Variants in RSPH14 observed in about 807,000 individuals in gnomAD.
RSPH14 encodes rhabdoid tumor deletion region gene 1.
RSPH14 carries 20 observed loss-of-function variants against 26.7 expected under a neutral mutation model. That is an observed-to-expected ratio of 0.75 (90% CI 0.53 to 1.09). The LOEUF (loss-of-function observed/expected upper bound fraction) is 1.09. RSPH14 is among the 50% of genes least tolerant of loss of function. The pLI is 0.00. For synonymous variants in RSPH14, 177 were observed against 189.3 expected (o/e 0.93, Z 0.53); for missense variants, 449 against 457.2 (o/e 0.98, Z 0.16).
intron 4 of RSPH14, among the ~76,000 whole-genome samples, chr22:23,130,591 T>C (rs2070342886): frequency 1.3e-5 from 2 of 150,700 alleles, no homozygotes; most frequent in Non-Finnish European, 3.0e-5. Context: ...AAAGGCACAG[T>C]GAGAAGCCAA....
At chr22:23,107,370 A>C (rs2069513832) in intron 4 of RSPH14, among the ~76,000 whole-genome samples, 2 of 152,182 alleles carry the variant, frequency 1.3e-5, no homozygotes, top group Non-Finnish European at 2.9e-5. Context: ...TGAGCTGCCT[A>C]CATGGGCAGC....
At chr22:23,106,102 C>T (rs762958555) in intron 4 of RSPH14, among the ~76,000 whole-genome samples, 3 of 152,226 alleles carry the variant, frequency 2.0e-5, no homozygotes, top group African/African-American at 4.8e-5. Flanking sequence ...CCTCCAGTCA[C>T]GTGACTCCCG....
chr22:23,145,285 T>A, upstream of RSPH14: 2 of 766,782 alleles, frequency 2.6e-6, no homozygotes, highest in Non-Finnish European at 4.0e-6. Context: ...CTTGTTGTCA[T>A]GGTGATCTCC....
intron 4 of RSPH14, among the ~76,000 whole-genome samples, chr22:23,085,545 G>A (rs1196232836): frequency 2.6e-5 from 4 of 152,220 alleles, no homozygotes; most frequent in Admixed American, 2.6e-4. Flanking sequence ...CTGCTGAGCA[G>A]ACAAATGGAA....
Position 23,071,487 on chromosome 22 carries a change from T to C in RSPH14, c.422-7354A>G, listed in dbSNP as rs2068374320. ...GACAGCTGAGCCCCTGACCGGCTCC[T>C]TTCTGCCCAAGTGATTTCCCTGCCC... is the stretch of plus-strand genomic sequence containing the variant. On this transcript the variant is annotated intron_variant, in intron 4 of 6. Coordinates refer to ENST00000216036, the MANE Select transcript of RSPH14 (RefSeq NM_014433.3). The surrounding 1 kb of genome is among the most constrained non-coding windows in gnomAD (Gnocchi z 4.1). Among the ~76,000 whole-genome samples the C allele has an allele frequency of 6.6e-6, 1 of 152,228 alleles. No homozygotes were observed. Among genetic ancestry groups the C allele is most frequent in the Non-Finnish European group, 1.5e-5 (1 of 68,024 alleles).
chr22:23,134,357 G>A (rs1195952724), intron 3 of RSPH14, among the ~76,000 whole-genome samples: 1 of 151,992 alleles, frequency 6.6e-6, no homozygotes, highest in Non-Finnish European at 1.5e-5. Flanking sequence ...GCCCACCTTG[G>A]CCCCTTGTTC....
the RSPH14 span, among the ~76,000 whole-genome samples, chr22:23,169,383 G>A: frequency 6.6e-6 from 1 of 152,230 alleles, no homozygotes; most frequent in South Asian, 2.1e-4. Context: ...CCCACTTGAA[G>A]GGAGCCCTCC....
chr22:23,178,592 C>G, the RSPH14 span, among the ~76,000 whole-genome samples: 2 of 152,176 alleles, frequency 1.3e-5, no homozygotes, highest in African/African-American at 4.8e-5. Context: ...TCCAAGGGAC[C>G]AGGATGGCAG....
chr22:23,151,468 G>A, the RSPH14 span, among the ~76,000 whole-genome samples: 1 of 152,226 alleles, frequency 6.6e-6, no homozygotes, highest in Non-Finnish European at 1.5e-5. Context: ...GTCACCAGGT[G>A]ACACAGTGGT....
chr22:23,131,902 G>C (rs1261371797), intron 4 of RSPH14, among the ~76,000 whole-genome samples: 2 of 152,154 alleles, frequency 1.3e-5, no homozygotes, highest in African/African-American at 2.4e-5. Flanking sequence ...GGCCTAGTGT[G>C]CTCAACTCCC....
At chr22:23,092,836 G>A (rs1196029362) in intron 4 of RSPH14, among the ~76,000 whole-genome samples, 1 of 152,218 alleles carries the variant, frequency 6.6e-6, no homozygotes, top group Non-Finnish European at 1.5e-5. Context: ...GCGCCTGGCT[G>A]TACCTCAGAT....
Position 23,061,843 on chromosome 22 carries a change from G to A in RSPH14, c.756C>T (p.Ala252=), listed in dbSNP as rs530022296. ...TCACTGTGGCGAACATCAGGGCACC[G>A]GCAGCGTTAGACTTCACATGCTCCA... is the stretch of plus-strand genomic sequence containing the variant. ...DPVEHVKSNA[A]GALMFATVIT... The change falls in exon 6 of 7, where the codon GCC becomes GCT. Residue 252 remains alanine (A), a synonymous_variant. Coordinates refer to ENST00000216036, the MANE Select transcript of RSPH14 (RefSeq NM_014433.3). 3.0e-5 allele frequency: 48 copies of A among 1,614,008 alleles called. 1 individual carries two copies. Among genetic ancestry groups the A allele is most frequent in the Middle Eastern group, 3.3e-4 (2 of 6,084 alleles).
chr22:23,095,494 C>T (rs1426837493), intron 4 of RSPH14: 6 of 598,626 alleles, frequency 1.0e-5, no homozygotes, highest in East Asian at 5.7e-5. Flanking sequence ...GGGCGGCCAC[C>T]GCCCGCTGCA....
the RSPH14 span, chr22:23,180,016 T>G: frequency 1.9e-5 from 7 of 361,718 alleles, no homozygotes; most frequent in Middle Eastern, 5.2e-4. Flanking sequence ...GACTGGGCAG[T>G]GCCGGTGACG....
At chr22:23,110,253 A>C (rs974580522) in intron 4 of RSPH14, among the ~76,000 whole-genome samples, 1 of 151,954 alleles carries the variant, frequency 6.6e-6, no homozygotes, top group African/African-American at 2.4e-5. Flanking sequence ...TCTAGAATGG[A>C]AATGTTTTGA....
At chr22:23,086,502 C>G (rs1044505088) in intron 4 of RSPH14, among the ~76,000 whole-genome samples, 1 of 152,232 alleles carries the variant, frequency 6.6e-6, no homozygotes, top group African/African-American at 2.4e-5. Context: ...GGGCACCTTC[C>G]TCTCCTCCCA....
the RSPH14 span, among the ~76,000 whole-genome samples, chr22:23,170,838 TATATATAC>T: frequency 6.6e-6 from 1 of 151,966 alleles, no homozygotes; most frequent in Non-Finnish European, 1.5e-5. Context: ...TATATATATA[TATATATAC>T]CTACATATTT....
At chr22:23,135,127 T>C (rs562065559) in intron 3 of RSPH14, among the ~76,000 whole-genome samples, 27 of 152,130 alleles carry the variant, frequency 1.8e-4, no homozygotes, top group African/African-American at 6.3e-4. Context: ...GCTAGGATCA[T>C]GCCACTAAAC....
chr22:23,159,390 A>T, the RSPH14 span: 1 of 839,732 alleles, frequency 1.2e-6, no homozygotes, highest in Middle Eastern at 2.3e-4. Flanking sequence ...CTGGCATCAC[A>T]GCCCTGCTGT....
Sources: gnomAD v4.1 joint callset for allele counts (sites outside exome capture counted in the v4.1 genomes callset) on GRCh38, gnomAD v4.1.1 for gene constraint, Gnocchi (gnomAD v3.1) non-coding constraint, MANE v1.5 for transcripts, NCBI Gene and HGNC (gene_info 2026-07-23, HGNC 2026-07-21) for gene names.